Variants in KCNH5 observed in about 807,000 individuals in gnomAD.
KCNH5 encodes potassium voltage-gated channel subfamily H member 5, also known as voltage-gated delayed rectifier potassium channel KCNH5.
A neutral mutation model predicts 96.1 loss-of-function variants in KCNH5; 46 were observed. The ratio of observed to expected loss-of-function variants is 0.48; its 90% CI spans 0.38 to 0.61. The LOEUF (loss-of-function observed/expected upper bound fraction) is 0.61. Ranked by LOEUF, KCNH5 falls within the 20% of genes least tolerant of loss-of-function variation. KCNH5 has a pLI of 0.00. For synonymous variants in KCNH5, 439 were observed against 449.8 expected (o/e 0.98, Z 0.30); for missense variants, 907 against 1,225.8 (o/e 0.74, Z 3.88).
intron 10 of KCNH5, among the ~76,000 whole-genome samples, chr14:62,709,203 C>A (rs978079376): frequency 9.9e-5 from 13 of 131,030 alleles, no homozygotes; most frequent in Admixed American, 1.8e-4. Flanking sequence ...ACAGCACTCC[C>A]GCCTGGGCGA....
intron 7 of KCNH5, among the ~76,000 whole-genome samples, chr14:62,853,453 A>AATCATATATATATATATAT (rs1887849679): frequency 9.9e-5 from 3 of 30,368 alleles, no homozygotes; most frequent in Admixed American, 3.9e-4. Flanking sequence ...CAAAAAGAAT[A>AATCATATATATATATATAT]ATCATATATA....
rs1274697426 is a variant in KCNH5, at chr14:62,832,817, A to G, written c.1569+16836T>C. On this transcript the variant is annotated intron_variant, in intron 8 of 10. Transcript: ENST00000322893. ...TAGCCATCCTGGCAGTTGACAGGTA[A>G]TATCTCACTGTGGTTTTGGTTTAAA... Among the ~76,000 whole-genome samples, 4 of 151,926 alleles carry G rather than the reference A, an allele frequency of 2.6e-5. 1 individual carries two copies. The highest frequency in any genetic ancestry group is 9.7e-5 in the African/African-American group (4 of 41,272).
intron 4 of KCNH5, among the ~76,000 whole-genome samples, chr14:62,994,380 G>A (rs1490012178): frequency 1.3e-5 from 2 of 152,014 alleles, no homozygotes; most frequent in Non-Finnish European, 2.9e-5. Context: ...TGAAAATACT[G>A]TACAGTATAA....
chr14:62,850,297 C>T (rs1887779137), intron 7 of KCNH5, among the ~76,000 whole-genome samples: 1 of 152,154 alleles, frequency 6.6e-6, no homozygotes, highest in Non-Finnish European at 1.5e-5. Context: ...TTCTCACTGC[C>T]TGCTCCTTCC....
chr14:62,790,580 CT>C (rs199614738), intron 9 of KCNH5, among the ~76,000 whole-genome samples: 2,192 of 140,946 alleles, frequency 0.016, 49 homozygotes, highest in Admixed American at 0.072. Flanking sequence ...TTCTTTCCTT[CT>C]TTTTTTTTTT....
At chr14:62,915,568 T>C (rs919487463) in intron 7 of KCNH5, among the ~76,000 whole-genome samples, 12 of 152,216 alleles carry the variant, frequency 7.9e-5, no homozygotes, top group Admixed American at 2.0e-4. Context: ...AAGGGCTACA[T>C]ACTATTATTC....
At chr14:62,996,590 A>G (rs1478132174) in intron 4 of KCNH5, among the ~76,000 whole-genome samples, 1 of 152,234 alleles carries the variant, frequency 6.6e-6, no homozygotes, top group Admixed American at 6.5e-5. Context: ...CTTACAAAGA[A>G]TTCTGTGATT....
chr14:63,042,212 G>A (rs565958302), intron 1 of KCNH5, among the ~76,000 whole-genome samples: 1 of 151,878 alleles, frequency 6.6e-6, no homozygotes, highest in Admixed American at 6.5e-5. Flanking sequence ...TGCTCCTTGT[G>A]TGCAAGACAG....
intron 4 of KCNH5, among the ~76,000 whole-genome samples, chr14:62,994,880 A>C (rs1237472449): frequency 1.3e-5 from 2 of 152,138 alleles, no homozygotes; most frequent in Non-Finnish European, 2.9e-5. Context: ...GCATACATTA[A>C]CTACTCCATC....
intron 6 of KCNH5, among the ~76,000 whole-genome samples, chr14:62,969,528 C>T (rs1890363096): frequency 6.6e-6 from 1 of 151,858 alleles, no homozygotes; most frequent in Non-Finnish European, 1.5e-5. Context: ...TAAGTCGGAG[C>T]TGAATAATGA....
intron 8 of KCNH5, among the ~76,000 whole-genome samples, chr14:62,818,587 C>T (rs570768549): frequency 6.6e-6 from 1 of 152,182 alleles, no homozygotes; most frequent in Non-Finnish European, 1.5e-5. Flanking sequence ...AATAGCATAC[C>T]ACTACTCAAA....
chr14:62,803,296 A>C (rs1176890572), intron 8 of KCNH5, among the ~76,000 whole-genome samples: 6 of 152,242 alleles, frequency 3.9e-5, no homozygotes, highest in Non-Finnish European at 1.5e-5. Flanking sequence ...TAACTAAATC[A>C]AAATTCCACA....
At chr14:62,882,320 T>A (rs1194979908) in intron 7 of KCNH5, among the ~76,000 whole-genome samples, 1 of 152,124 alleles carries the variant, frequency 6.6e-6, no homozygotes, top group African/African-American at 2.4e-5. Flanking sequence ...CTCCTGATCA[T>A]CTGAGAAGAC....
chr14:62,994,183 C>T, intron 4 of KCNH5, among the ~76,000 whole-genome samples: 1 of 152,010 alleles, frequency 6.6e-6, no homozygotes. Context: ...TATAATTACT[C>T]ATATTTCATC....
At chr14:62,848,694 T>C (rs947086585) in intron 8 of KCNH5, among the ~76,000 whole-genome samples, 1 of 152,194 alleles carries the variant, frequency 6.6e-6, no homozygotes, top group Non-Finnish European at 1.5e-5. Flanking sequence ...ATTTGCTTTT[T>C]CCCTTTGACA....
At chr14:63,032,403 G>T (rs537410733) in intron 1 of KCNH5, among the ~76,000 whole-genome samples, 1 of 152,140 alleles carries the variant, frequency 6.6e-6, no homozygotes, top group Non-Finnish European at 1.5e-5. Flanking sequence ...GCAGCTTCAA[G>T]TATCGACCCA....
chr14:62,832,140 G>A (rs1457904780), intron 8 of KCNH5, among the ~76,000 whole-genome samples: 1 of 152,068 alleles, frequency 6.6e-6, no homozygotes, highest in Non-Finnish European at 1.5e-5. Flanking sequence ...TTAAATTACA[G>A]TAAGAATGTT....
intron 7 of KCNH5, among the ~76,000 whole-genome samples, chr14:62,862,765 C>T (rs888831685): frequency 1.3e-5 from 2 of 152,118 alleles, no homozygotes; most frequent in Admixed American, 6.6e-5. Context: ...CTTGTAGTCC[C>T]CACTGAACCT....
intron 6 of KCNH5, among the ~76,000 whole-genome samples, chr14:62,957,982 A>G (rs1244122518): frequency 6.6e-6 from 1 of 152,236 alleles, no homozygotes; most frequent in Non-Finnish European, 1.5e-5. Context: ...AGGAAAAAAG[A>G]TAACTGATAA....
Sources: gnomAD v4.1 joint callset for allele counts (sites outside exome capture counted in the v4.1 genomes callset) on GRCh38, gnomAD v4.1.1 for gene constraint, MANE v1.5 for transcripts, NCBI Gene and HGNC (gene_info 2026-07-23, HGNC 2026-07-21) for gene names.